The following SNTG1 variants were observed in gnomAD, a reference collection of about 807,000 sequenced individuals.
The protein encoded by SNTG1 is gamma-1-syntrophin.
Under a neutral mutation model 74.7 loss-of-function variants are expected in SNTG1, and 39 were observed. The ratio of observed to expected loss-of-function variants is 0.52; its 90% CI spans 0.40 to 0.68. The LOEUF (loss-of-function observed/expected upper bound fraction) is 0.68. Among genes scored for constraint, SNTG1 ranks in the 30% least tolerant of loss-of-function variants. The probability of loss-of-function intolerance (pLI) is 0.00; values close to 1 mark genes in which losing one functional copy is unlikely to be tolerated. For missense variants in SNTG1, 685 were observed against 609.5 expected, an observed-to-expected ratio of 1.12 and a Z score of -1.30; for synonymous variants, 254 against 217.1, an observed-to-expected ratio of 1.17 and a Z score of -1.49.
At chr8:50,405,086 C>G (rs2092854639) in intron 4 of SNTG1, among the ~76,000 whole-genome samples, 1 of 152,042 alleles carries the variant, frequency 6.6e-6, no homozygotes, top group Non-Finnish European at 1.5e-5. Flanking sequence ...TCCACCTTGG[C>G]TTTTTGAAAA....
intron 8 of SNTG1, among the ~76,000 whole-genome samples, chr8:50,456,474 G>A (rs12544937): frequency 0.71 from 107,252 of 151,820 alleles, 39,310 homozygotes; most frequent in East Asian, 0.86. Flanking sequence ...GCTGCTCTCT[G>A]CTTTAAAGAT....
Position 50,450,586 on chromosome 8 carries a change from A to G in SNTG1, c.308A>G (p.Asp103Gly). The G allele has an allele frequency of 6.2e-7, 1 of 1,613,482 alleles. No homozygotes were observed. The highest frequency in any genetic ancestry group is 1.3e-5 in the African/African-American group (1 of 75,020). The change falls in exon 7 of 19, where the codon GAT becomes GGT. Residue 103 changes from aspartate to glycine, a missense_variant. Physicochemically the swap from Asp to Gly is moderately conservative, Grantham distance 94. Transcript: ENST00000642720. ...AELSGLLFIG[D>G]AILQINGINV... ...CTTTCAGGACTACTTTTTATTGGAG[A>G]TGCAATTCTACAGGTATACATTTTA...
chr8:49,929,994 A>G (rs1807414567), intron 1 of SNTG1, among the ~76,000 whole-genome samples: 1 of 151,934 alleles, frequency 6.6e-6, no homozygotes, highest in South Asian at 2.1e-4. Context: ...TAACAAAACA[A>G]GTAAACAACT....
intron 2 of SNTG1, among the ~76,000 whole-genome samples, chr8:50,226,747 T>A (rs1050231068): frequency 6.6e-6 from 1 of 152,148 alleles, no homozygotes; most frequent in African/African-American, 2.4e-5. Context: ...CTCATGCCTC[T>A]CTGAAATATA....
chr8:50,421,728 G>A (rs2093090308), intron 4 of SNTG1, among the ~76,000 whole-genome samples: 1 of 151,968 alleles, frequency 6.6e-6, no homozygotes, highest in Non-Finnish European at 1.5e-5. Context: ...GCCCCCTAAA[G>A]GTCTGCTGAA....
At chr8:50,020,444 C>A (rs1816720425) in intron 1 of SNTG1, among the ~76,000 whole-genome samples, 1 of 152,008 alleles carries the variant, frequency 6.6e-6, no homozygotes, top group African/African-American at 2.4e-5. Flanking sequence ...TTATTAATTA[C>A]CTTTGTGAAT....
intron 1 of SNTG1, among the ~76,000 whole-genome samples, chr8:50,064,590 T>C (rs1283937557): frequency 1.3e-5 from 2 of 152,216 alleles, no homozygotes; most frequent in Admixed American, 6.5e-5. Context: ...ACTGAAAACT[T>C]CCACTGTGGC....
chr8:49,963,291 G>C (rs1810857889), intron 1 of SNTG1, among the ~76,000 whole-genome samples: 1 of 152,156 alleles, frequency 6.6e-6, no homozygotes, highest in Non-Finnish European at 1.5e-5. Flanking sequence ...ACTCTGCCAG[G>C]ATTCAAATAA....
rs558952641 is a variant in SNTG1 at position 50,445,714 on chromosome 8, T to A, written c.220-3954T>A. 2.7e-4 allele frequency among the ~76,000 whole-genome samples: 41 copies of A among 152,266 alleles called. 1 individual carries two copies. Among genetic ancestry groups the A allele is most frequent in the Admixed American group, 7.2e-4 (11 of 15,286 alleles). ...ATTTCTCCATAAACTACAATAACAA[T>A]GCTCAGTTAATTCAAGCATTCTCTA... On this transcript the variant is annotated intron_variant, in intron 5 of 18. Coordinates refer to ENST00000642720, the MANE Select transcript of SNTG1 (RefSeq NM_018967.5).
intron 1 of SNTG1, among the ~76,000 whole-genome samples, chr8:50,079,840 T>TTTTGTCAG (rs1822241854): frequency 6.6e-6 from 1 of 151,902 alleles, no homozygotes; most frequent in Non-Finnish European, 1.5e-5. Context: ...CATTGCTTGT[T>TTTTGTCAG]GAAGATCAGA....
rs770201882 is a variant in SNTG1 at position 50,450,566 on chromosome 8, A to G, written c.288A>G (p.Ser96=). 1.2e-6 allele frequency: 2 copies of G among 1,613,432 alleles called. No individual in the cohort carries two copies. Among genetic ancestry groups the G allele is most frequent in the Non-Finnish European group, 1.7e-6 (2 of 1,179,726 alleles). The part of the protein sequence containing the change: ...KISKEQRAEL[S]GLLFIGDAIL... The stretch of plus-strand genomic sequence containing the variant: ...CTTTTTCATTCACAGCGGAACTTTC[A>G]GGACTACTTTTTATTGGAGATGCAA... The change falls in exon 7 of 19, where the codon TCA becomes TCG. Residue 96 remains serine, a synonymous_variant. Coordinates refer to ENST00000642720, the MANE Select transcript of SNTG1 (RefSeq NM_018967.5).
At chr8:50,072,986 T>A (rs1372202850) in intron 1 of SNTG1, among the ~76,000 whole-genome samples, 1 of 152,150 alleles carries the variant, frequency 6.6e-6, no homozygotes, top group Non-Finnish European at 1.5e-5. Context: ...CAGGCCTCCA[T>A]ATTGATGGCT....
intron 4 of SNTG1, among the ~76,000 whole-genome samples, chr8:50,411,848 C>T (rs971356121): frequency 5.9e-5 from 9 of 152,090 alleles, no homozygotes; most frequent in African/African-American, 2.2e-4. Context: ...TGGTGGTGGC[C>T]GCAGTGGGAT....
chr8:50,718,715 C>A (rs993942776), intron 17 of SNTG1, among the ~76,000 whole-genome samples: 4 of 152,118 alleles, frequency 2.6e-5, no homozygotes, highest in Admixed American at 2.6e-4. Context: ...AGTGGGAGGG[C>A]AGATCAGCCC....
chr8:50,174,572 CATTATAAATGCCATTATATACCCA>C (rs1463693810), intron 2 of SNTG1, among the ~76,000 whole-genome samples: 1 of 152,156 alleles, frequency 6.6e-6, no homozygotes, highest in Non-Finnish European at 1.5e-5. Context: ...CTTTCTAACG[CATTATAAATGCCATTATATACCCA>C]ATGTTTTCAA....
intron 1 of SNTG1, among the ~76,000 whole-genome samples, chr8:49,961,670 ATATACT>A (rs1810694606): frequency 6.6e-6 from 1 of 152,218 alleles, no homozygotes; most frequent in Non-Finnish European, 1.5e-5. Flanking sequence ...AATATGCCTG[ATATACT>A]TAAAAGAGAA....
chr8:50,427,495 C>T (rs1278756362), intron 4 of SNTG1, among the ~76,000 whole-genome samples: 2 of 152,116 alleles, frequency 1.3e-5, no homozygotes, highest in African/African-American at 4.8e-5. Flanking sequence ...GTGGCATGAT[C>T]ATAGCTCACC....
chr8:49,930,891 C>T (rs1807522588), intron 1 of SNTG1, among the ~76,000 whole-genome samples: 1 of 151,982 alleles, frequency 6.6e-6, no homozygotes, highest in Admixed American at 6.6e-5. Context: ...GTTTAGATAC[C>T]AGCAATATAT....
intron 1 of SNTG1, among the ~76,000 whole-genome samples, chr8:50,024,339 A>C (rs183156498): frequency 1.3e-5 from 2 of 152,140 alleles, no homozygotes; most frequent in Admixed American, 1.3e-4. Context: ...CAGAACTACA[A>C]AAAGGAATAA....
Sources: allele counts gnomAD v4.1 joint callset (sites outside exome capture counted in the v4.1 genomes callset), GRCh38; gene constraint gnomAD v4.1.1; transcripts MANE v1.5; gene names NCBI Gene and HGNC (gene_info 2026-07-23, HGNC 2026-07-21).